Variants in GPR158 observed in about 807,000 individuals in gnomAD.
GPR158 encodes the protein metabotropic glycine receptor.
In GPR158, 30 loss-of-function variants were observed where a neutral mutation model predicts 78.2. That is an observed-to-expected ratio of 0.38 (90% CI 0.29 to 0.52). GPR158 has a LOEUF of 0.52. Ranked by LOEUF, GPR158 falls within the 20% of genes least tolerant of loss-of-function variation. GPR158 has a pLI of 0.83. For synonymous variants in GPR158, 581 were observed against 591.1 expected (o/e 0.98, Z 0.25); for missense variants, 1,463 against 1,523.5 (o/e 0.96, Z 0.66).
chr10:25,569,688 A>G (rs188868325), intron 6 of GPR158, among the ~76,000 whole-genome samples: 4 of 152,204 alleles, frequency 2.6e-5, no homozygotes, highest in Admixed American at 2.0e-4. Context: ...ATCCCCTTAT[A>G]TCTTTTCCAC....
At chr10:25,597,154 G>A (rs368387688) in intron 10 of GPR158, among the ~76,000 whole-genome samples, 18 of 152,310 alleles carry the variant, frequency 1.2e-4, no homozygotes, top group African/African-American at 4.3e-4. Context: ...GATCTGTGGA[G>A]CAGAGAGGAG....
At chr10:25,378,452 T>C (rs992785310) in intron 2 of GPR158, among the ~76,000 whole-genome samples, 6 of 150,672 alleles carry the variant, frequency 4.0e-5, no homozygotes, top group African/African-American at 1.5e-4. Flanking sequence ...CTGCTTGCCT[T>C]CCTACTTTCC....
At chr10:25,293,542 G>T (rs1213343532) in intron 2 of GPR158, among the ~76,000 whole-genome samples, 1 of 152,104 alleles carries the variant, frequency 6.6e-6, no homozygotes, top group Non-Finnish European at 1.5e-5. Context: ...AGGCAAATTG[G>T]CAAAAATAAC....
intron 4 of GPR158, among the ~76,000 whole-genome samples, chr10:25,415,385 A>T (rs1323777278): frequency 1.9e-5 from 1 of 53,420 alleles, no homozygotes; most frequent in Non-Finnish European, 7.0e-5. Flanking sequence ...TCCAAAGAAA[A>T]TATATATATA....
At chr10:25,553,310 A>G (rs1836749618) in intron 6 of GPR158, among the ~76,000 whole-genome samples, 1 of 152,176 alleles carries the variant, frequency 6.6e-6, no homozygotes, top group Non-Finnish European at 1.5e-5. Flanking sequence ...AATTAAAACT[A>G]TTCGAAATTA....
Position 25,195,337 on chromosome 10 carries a change from A to C in GPR158, c.902+19015A>C, listed in dbSNP as rs138637154. On this transcript the variant is annotated intron_variant, in intron 1 of 10. Coordinates refer to ENST00000376351, the MANE Select transcript of GPR158 (RefSeq NM_020752.3). ...TCTCATGCCTCAGCCTCCCAAGTAGATGGGACTACAGGCATGCACCACCAC... is the reference window on the plus strand; with the variant it reads ...TCTCATGCCTCAGCCTCCCAAGTAGCTGGGACTACAGGCATGCACCACCAC... 3.8e-4 allele frequency among the ~76,000 whole-genome samples: 58 copies of C among 151,882 alleles called. 1 individual carries two copies. Among genetic ancestry groups the C allele is most frequent in the African/African-American group, 1.4e-3 (56 of 41,436 alleles).
At chr10:25,509,270 G>A (rs1836052572) in intron 5 of GPR158, among the ~76,000 whole-genome samples, 1 of 152,058 alleles carries the variant, frequency 6.6e-6, no homozygotes, top group Non-Finnish European at 1.5e-5. Flanking sequence ...TCCACCTCTG[G>A]GGCAATATAT....
At chr10:25,501,601 C>A (rs1835946537) in intron 5 of GPR158, among the ~76,000 whole-genome samples, 1 of 152,106 alleles carries the variant, frequency 6.6e-6, no homozygotes, top group South Asian at 2.1e-4. Context: ...CTGAAAACTG[C>A]TGTGGACTGG....
intron 7 of GPR158, among the ~76,000 whole-genome samples, chr10:25,578,831 C>A (rs980623295): frequency 3.3e-5 from 5 of 151,932 alleles, no homozygotes; most frequent in African/African-American, 1.2e-4. Flanking sequence ...CACAGTGAAA[C>A]CCCATCTCTA....
intron 2 of GPR158, among the ~76,000 whole-genome samples, chr10:25,387,300 T>C (rs1455427003): frequency 6.6e-6 from 1 of 152,342 alleles, no homozygotes; most frequent in Non-Finnish European, 1.5e-5. Flanking sequence ...TGTTTAACTA[T>C]CCTTGAATTC....
At chr10:25,369,563 G>A (rs11014513) in intron 2 of GPR158, among the ~76,000 whole-genome samples, 118,596 of 146,538 alleles carry the variant, frequency 0.81, 48,980 homozygotes, top group Non-Finnish European at 0.87. Context: ...TGCTGGATTC[G>A]GTTTGCCAGT....
At chr10:25,575,656 A>G (rs1050135918) in intron 7 of GPR158, among the ~76,000 whole-genome samples, 1 of 152,164 alleles carries the variant, frequency 6.6e-6, no homozygotes, top group Non-Finnish European at 1.5e-5. Context: ...ACTAATCTCA[A>G]TAGTGCCCTG....
intron 2 of GPR158, among the ~76,000 whole-genome samples, chr10:25,293,355 G>T (rs1854466836): frequency 6.6e-6 from 1 of 152,154 alleles, no homozygotes; most frequent in Non-Finnish European, 1.5e-5. Context: ...TACATAGTAG[G>T]TATGGTCTGC....
intron 2 of GPR158, among the ~76,000 whole-genome samples, chr10:25,256,926 A>G (rs113271536): frequency 2.6e-5 from 4 of 152,320 alleles, no homozygotes; most frequent in African/African-American, 9.6e-5. Flanking sequence ...GATAAACCTA[A>G]AAGCCCTGTA....
intron 2 of GPR158, among the ~76,000 whole-genome samples, chr10:25,241,673 T>A (rs1158160967): frequency 6.6e-6 from 1 of 152,080 alleles, no homozygotes; most frequent in Non-Finnish European, 1.5e-5. Context: ...CCCCCCACCT[T>A]GGCCTCCCAA....
intron 4 of GPR158, among the ~76,000 whole-genome samples, chr10:25,459,238 TTAAAAA>T (rs1170513539): frequency 4.6e-5 from 7 of 152,060 alleles, no homozygotes; most frequent in Non-Finnish European, 7.4e-5. Context: ...AATAGCATAA[TTAAAAA>T]TAAAAAAGTA....
chr10:25,273,733 G>A, intron 2 of GPR158, among the ~76,000 whole-genome samples: 1 of 151,838 alleles, frequency 6.6e-6, no homozygotes. Context: ...AGGCTGGAGT[G>A]CAGTGGTGTG....
Position 25,598,365 on chromosome 10 carries a change from T to C in GPR158, c.2739T>C (p.Thr913=), listed in dbSNP as rs200224006. 190 of 1,613,924 alleles carry C rather than the reference T, an allele frequency of 1.2e-4. No individual in the cohort carries two copies. Among genetic ancestry groups the C allele is most frequent in the Non-Finnish European group, 1.5e-4 (179 of 1,180,002 alleles). Residue 913 remains threonine (T), a synonymous_variant, in exon 11 of 11, where the codon ACT becomes ACC. Transcript: ENST00000376351. ...TCATAGCAAGCGCCAAGGAGAAGAC[T>C]CTTGGATTAGCTGGGAAAACCCAAA... ...LSVIASAKEK[T]LGLAGKTQTA...
At chr10:25,439,644 C>T (rs1227316557) in intron 4 of GPR158, among the ~76,000 whole-genome samples, 4 of 152,084 alleles carry the variant, frequency 2.6e-5, no homozygotes, top group African/African-American at 9.7e-5. Flanking sequence ...TTTTTTGTAG[C>T]AGTGTTCCTC....
Sources: allele counts gnomAD v4.1 joint callset (sites outside exome capture counted in the v4.1 genomes callset), GRCh38; gene constraint gnomAD v4.1.1; transcripts MANE v1.5; gene names NCBI Gene and HGNC (gene_info 2026-07-23, HGNC 2026-07-21).